DISP2: variants seen among roughly 807,000 people sequenced by gnomAD.
The protein encoded by DISP2 is dispatched RND transporter family member 2, also known as protein dispatched homolog 2.
DISP2 carries 59 observed loss-of-function variants against 95.5 expected under a neutral mutation model. The observed-to-expected ratio is 0.62, with a 90% CI of 0.50 to 0.77. The LOEUF (loss-of-function observed/expected upper bound fraction) is 0.77. DISP2 is among the 30% of genes least tolerant of loss of function. The pLI is 0.00. For synonymous variants in DISP2, 827 were observed against 815.0 expected (o/e 1.01, Z -0.25); for missense variants, 1,752 against 1,854.6 (o/e 0.94, Z 1.02).
In DISP2 at chr15:40,369,368, C is replaced by T. The variant is rs143426346; in HGVS notation, c.3256C>T (p.Arg1086Cys). ...LMLPATVLLY[R>C]KLGIILMMVK... Reference sequence around the variant, plus strand: ...GCTGCCTGCCACAGTGCTGCTCTATCGCAAGCTGGGCATCATCCTCATGAT... The same window carrying T: ...GCTGCCTGCCACAGTGCTGCTCTATTGCAAGCTGGGCATCATCCTCATGAT... The change falls in exon 8 of 8, where the codon CGC (arginine) becomes TGC (cysteine). Residue 1086 changes from arginine to cysteine, a missense_variant. This residue lies in a region of DISP2 where 317 missense variants were observed against 394.9 expected (regional missense o/e 0.80). Transcript: ENST00000267889. 13 of 1,613,464 alleles carry T rather than the reference C, an allele frequency of 8.1e-6. No homozygotes were observed. The highest frequency in any genetic ancestry group is 2.7e-5 in the African/African-American group (2 of 74,944).
rs767413929 is a variant in DISP2, at chr15:40,367,217, C to G, written c.1105C>G (p.Arg369Gly). 5 of 1,613,916 alleles carry G rather than the reference C, an allele frequency of 3.1e-6. No homozygotes were observed. The highest frequency in any genetic ancestry group is 4.2e-6 in the Non-Finnish European group (5 of 1,180,022). Reference sequence around the variant, plus strand: ...CGCAGCCCGCACACTGGCCCTGCTTCGGACCTGTGCCCTCTACTACCACAG... The same window carrying G: ...CGCAGCCCGCACACTGGCCCTGCTTGGGACCTGTGCCCTCTACTACCACAG... The part of the protein sequence containing the change: ...ADAARTLALL[R>G]TCALYYHSGA... Residue 369 changes from arginine to glycine, a missense_variant, in exon 8 of 8, where the codon CGG (arginine) becomes GGG (glycine). Physicochemically the swap from Arg to Gly is moderately radical, Grantham distance 125 (BLOSUM62 -2). This residue lies in a region of DISP2 where 732 missense variants were observed against 714.6 expected (regional missense o/e 1.02). Transcript: ENST00000267889.
intron 1 of DISP2, among the ~76,000 whole-genome samples, chr15:40,358,666 C>A (rs192567139): frequency 1.3e-5 from 2 of 152,248 alleles, no homozygotes; most frequent in South Asian, 4.1e-4. Flanking sequence ...TCGCCCTCCC[C>A]GCTTAGGGAA....
At position 40,358,245 on chromosome 15, in the gene DISP2, G is replaced by GCCGCCGCCA. The variant is rs905655501; in HGVS notation, c.-68_-60dup. 33 of 1,008,852 alleles carry GCCGCCGCCA rather than the reference G, an allele frequency of 3.3e-5. No homozygotes were observed. The highest frequency in any genetic ancestry group is 2.5e-4 in the African/African-American group (12 of 48,734). The allele number at this position is 1,008,852 out of a possible 1,614,324, so 62.5% of individuals were successfully genotyped here. A position where few individuals can be genotyped will look rare whatever the true frequency, so the allele number is the denominator to read the frequency against. ...TGCGCACGAGCACCCCGCCGCCGCT[G>GCCGCCGCCA]CCGCCGCCACCGCCGCCGCCGCCGC... On this transcript the variant is annotated 5_prime_UTR_variant, in exon 1 of 8. Coordinates refer to ENST00000267889, the MANE Select transcript of DISP2 (RefSeq NM_033510.3).
Position 40,368,205 on chromosome 15 carries a change from G to T in DISP2, c.2093G>T (p.Gly698Val). ...RLLFQRLLPC[G>V]VIKFRYIWIC... ...CTCTTCCAGCGCCTGCTGCCCTGCG[G>T]CGTCATCAAGTTCCGCTACATCTGG... Residue 698 changes from glycine to valine, a missense_variant, in exon 8 of 8, where the codon GGC becomes GTC. Gly to Val is a moderately radical substitution (Grantham distance 109). Transcript: ENST00000267889. 2 of 1,608,786 alleles carry T rather than the reference G, an allele frequency of 1.2e-6. No homozygotes were observed. Among genetic ancestry groups the T allele is most frequent in the Non-Finnish European group, 8.5e-7 (1 of 1,178,754 alleles).
intron 7 of DISP2, 139 bp downstream of exon 7, chr15:40,365,864 A>C: frequency 1.2e-6 from 1 of 840,294 alleles, no homozygotes; most frequent in Non-Finnish European, 1.9e-6. Flanking sequence ...AATTATTCCA[A>C]CCCTGCTGAG....
In DISP2 at chr15:40,368,166, GCAC is replaced by G. The variant is rs746859806; in HGVS notation, c.2056_2058del (p.Thr686del). ...CGCGGCCTGCGGAGGGCGGCGGCTG[GCAC>G]CTCGCGTCTGCTCTTCCAGCGCCTG... is the stretch of plus-strand genomic sequence containing the variant. On this transcript the variant is annotated inframe_deletion, in exon 8 of 8. Transcript: ENST00000267889. 17 of 1,562,380 alleles carry G rather than the reference GCAC, an allele frequency of 1.1e-5. No homozygotes were observed. The highest frequency in any genetic ancestry group is 1.8e-4 in the Middle Eastern group (1 of 5,438).
chr15:40,368,009 A>T lies in DISP2; in HGVS notation c.1897A>T (p.Thr633Ser). Residue 633 changes from threonine (T) to serine (S), a missense_variant, in exon 8 of 8, where the codon ACG becomes TCG. Thr to Ser is a moderately conservative substitution (Grantham distance 58). Transcript: ENST00000267889. ...GTAVLVHLALTLVWLPASAVL... is the reference protein window; with the variant it reads ...GTAVLVHLALSLVWLPASAVL... Reference sequence around the variant, plus strand: ...GGCTGTGCTGGTGCACCTGGCGCTCACGCTGGTCTGGCTGCCCGCCTCCGC... The same window carrying T: ...GGCTGTGCTGGTGCACCTGGCGCTCTCGCTGGTCTGGCTGCCCGCCTCCGC... The T allele has an allele frequency of 6.5e-7, 1 of 1,537,378 alleles. No individual in the cohort carries two copies. Among genetic ancestry groups the T allele is most frequent in the African/African-American group, 1.4e-5 (1 of 73,180 alleles).
intron 2 of DISP2, 44 bp from the exon 3 acceptor site, chr15:40,364,182 C>T: frequency 6.2e-7 from 1 of 1,613,520 alleles, no homozygotes; most frequent in Non-Finnish European, 8.5e-7. Flanking sequence ...ACGCCCTCTG[C>T]AAGAGAACTC....
Position 40,367,582 on chromosome 15 carries a change from G to A in DISP2, c.1470G>A (p.Val490=). 2 of 1,613,984 alleles carry A rather than the reference G, an allele frequency of 1.2e-6. No individual in the cohort carries two copies. The highest frequency in any genetic ancestry group is 1.7e-6 in the Non-Finnish European group (2 of 1,179,998). The change falls in exon 8 of 8, where the codon GTG becomes GTA. Residue 490 remains valine, a synonymous_variant. Coordinates refer to ENST00000267889, the MANE Select transcript of DISP2 (RefSeq NM_033510.3). ...LLRHFLVQDT[V]YPLLALVAIF... ...GGCACTTCCTGGTCCAGGACACGGT[G>A]TACCCCTTGCTGGCTCTGGTTGCCA... is the stretch of plus-strand genomic sequence containing the variant.
intron 1 of DISP2, 61 bp downstream of exon 1, chr15:40,358,501 G>A: frequency 8.8e-7 from 1 of 1,140,922 alleles, no homozygotes; most frequent in Non-Finnish European, 1.1e-6. Flanking sequence ...CCCGCCCCAG[G>A]TATCCCCAGT....
In DISP2 at chr15:40,365,258, C is replaced by T. The variant is rs753780706; in HGVS notation, c.831C>T (p.Phe277=). 1 of 1,613,894 alleles carries T rather than the reference C, an allele frequency of 6.2e-7. No individual in the cohort carries two copies. Among genetic ancestry groups the T allele is most frequent in the South Asian group, 1.1e-5 (1 of 91,078 alleles). Residue 277 remains phenylalanine (F), a synonymous_variant, in exon 6 of 8, where the codon TTC becomes TTT. Coordinates refer to ENST00000267889, the MANE Select transcript of DISP2 (RefSeq NM_033510.3). ...EPLEDRRQEN[F]FCGPPEKSYA... is the part of the protein sequence containing the mutation. ...TGGAGGACAGAAGGCAAGAGAACTT[C>T]TTCTGTGGCCCCCCTGGTAAGCTGC...
chr15:40,361,838 C>G (rs903328975), intron 1 of DISP2, among the ~76,000 whole-genome samples: 2 of 152,224 alleles, frequency 1.3e-5, no homozygotes, highest in Non-Finnish European at 2.9e-5. Flanking sequence ...ATAGGTCTGA[C>G]TCTCCTTGGG....
At position 40,358,436 on chromosome 15, in the gene DISP2, GA is replaced by G; in HGVS notation, c.116del (p.Asp39AlafsTer126). 7.6e-7 allele frequency: 1 copy of G among 1,316,824 alleles called. No homozygotes were observed. The highest frequency in any genetic ancestry group is 9.7e-7 in the Non-Finnish European group (1 of 1,032,794). The allele number at this position is 1,316,824 out of a possible 1,614,324, so 81.6% of individuals were successfully genotyped here. ...EPLAPDGGSP[D>X]STQTKAVPPE... ...CTTGGCCCCAGACGGCGGCTCCCCG[GA>G]CAGGTAGGGCGGACAGCTCCGCAGA... On this transcript the variant is annotated frameshift_variant, in exon 1 of 8. Transcript: ENST00000267889. LOFTEE classifies it high-confidence loss of function.
At chr15:40,362,501 G>T (rs1364980710) in intron 1 of DISP2, among the ~76,000 whole-genome samples, 1 of 152,218 alleles carries the variant, frequency 6.6e-6, no homozygotes, top group Non-Finnish European at 1.5e-5. Context: ...GCACTACCAA[G>T]GCACTGGCGA....
At position 40,370,108 on chromosome 15, in the gene DISP2, G is replaced by A; in HGVS notation, c.3996G>A (p.Gln1332=). The A allele has an allele frequency of 6.2e-7, 1 of 1,609,390 alleles. No homozygotes were observed. Among genetic ancestry groups the A allele is most frequent in the Non-Finnish European group, 8.5e-7 (1 of 1,177,554 alleles). ...GGCAGCCAGTCCTTGAGCGAGGCCA[G>A]CTCAATGGGAAGCGGGACACCCTGT... ...DTGQPVLERG[Q]LNGKRDTLWL... is the part of the protein sequence containing the mutation. The change falls in exon 8 of 8, where the codon CAG becomes CAA. Residue 1332 remains glutamine (Q), a synonymous_variant. Coordinates refer to ENST00000267889, the MANE Select transcript of DISP2 (RefSeq NM_033510.3).
chr15:40,368,694 A>T lies in DISP2; in HGVS notation c.2582A>T (p.His861Leu), dbSNP rs755458904. 6.2e-7 allele frequency: 1 copy of T among 1,612,774 alleles called. No individual in the cohort carries two copies. Among genetic ancestry groups the T allele is most frequent in the Non-Finnish European group, 8.5e-7 (1 of 1,180,000 alleles). The change falls in exon 8 of 8, where the codon CAC (histidine) becomes CTC (leucine). Residue 861 changes from histidine to leucine, a missense_variant. Transcript: ENST00000267889. Reference protein sequence around the residue: ...ARLGPDLCCGHSDFPWAPQFF... With the variant: ...ARLGPDLCCGLSDFPWAPQFF... ...CTGGGGCCTGACCTCTGCTGCGGCC[A>T]CTCGGACTTCCCCTGGGCCCCCCAG...
At position 40,377,575 on chromosome 15, in the gene DISP2, G is replaced by C. The variant is rs1196821638; in HGVS notation, c.*7257G>C. 1 of 152,342 alleles carries C rather than the reference G, an allele frequency of 6.6e-6. No individual in the cohort carries two copies. Among genetic ancestry groups the C allele is most frequent in the Non-Finnish European group, 1.5e-5 (1 of 68,138 alleles). 9.4% of individuals were successfully genotyped at this position (152,342 alleles called of 1,614,324 possible). A position where few individuals can be genotyped will look rare whatever the true frequency, so the allele number is the denominator to read the frequency against. ...TGTATTTCACGGAGGGAGAACCCAG[G>C]CAAAGCAAGTGACTCTGAGGTGAGG... On this transcript the variant is annotated 3_prime_UTR_variant, in exon 8 of 8. Coordinates refer to ENST00000267889, the MANE Select transcript of DISP2 (RefSeq NM_033510.3).
At position 40,358,257 on chromosome 15, in the gene DISP2, G is replaced by GCCACCT. The variant is rs1018445073; in HGVS notation, c.-63_-62insACCTCC. On this transcript the variant is annotated 5_prime_UTR_variant, in exon 1 of 8. Coordinates refer to ENST00000267889, the MANE Select transcript of DISP2 (RefSeq NM_033510.3). ...CCCCGCCGCCGCTGCCGCCGCCACC[G>GCCACCT]CCGCCGCCGCCGCCGCCGCCGCGGC... 1.3e-6 allele frequency: 1 copy of GCCACCT among 792,622 alleles called. No homozygotes were observed. The highest frequency in any genetic ancestry group is 1.9e-5 in the African/African-American group (1 of 52,284). The allele number at this position is 792,622 out of a possible 1,614,324, so 49.1% of individuals were successfully genotyped here. A position where few individuals can be genotyped will look rare whatever the true frequency, so the allele number is the denominator to read the frequency against.
chr15:40,362,801 A>G (rs1889425471), intron 1 of DISP2, among the ~76,000 whole-genome samples: 1 of 152,190 alleles, frequency 6.6e-6, no homozygotes, highest in African/African-American at 2.4e-5. Flanking sequence ...GGGAAGAGAA[A>G]GTTCCAAGGC....
Sources: gnomAD v4.1 joint callset for allele counts (sites outside exome capture counted in the v4.1 genomes callset) on GRCh38, gnomAD v4.1.1 for gene constraint, gnomAD v4.1.1 regional missense constraint, MANE v1.5 for transcripts, NCBI Gene and HGNC (gene_info 2026-07-23, HGNC 2026-07-21) for gene names.